SGCD: variants seen among roughly 807,000 people sequenced by gnomAD.
SGCD encodes delta-sarcoglycan.
A neutral mutation model predicts 36.6 loss-of-function variants in SGCD; 18 were observed. That is an observed-to-expected ratio of 0.49 (90% CI 0.34 to 0.73). The LOEUF (loss-of-function observed/expected upper bound fraction) is 0.73, where lower values mean the gene tolerates loss of function less well. SGCD is among the 30% of genes least tolerant of loss of function. The pLI is 0.01. For synonymous variants in SGCD, 133 were observed against 130.6 expected, an observed-to-expected ratio of 1.02 and a Z score of -0.12; for missense variants, 387 against 346.7, an observed-to-expected ratio of 1.12 and a Z score of -0.92.
chr5:156,031,203 C>A (rs1422402044), intron 1 of SGCD, among the ~76,000 whole-genome samples: 2 of 152,188 alleles, frequency 1.3e-5, no homozygotes, highest in African/African-American at 2.4e-5. Flanking sequence ...CTTGGAGTTT[C>A]TGATTCAGTT....
chr5:155,952,698 G>A (rs927717620), intron 1 of SGCD, among the ~76,000 whole-genome samples: 1 of 152,198 alleles, frequency 6.6e-6, no homozygotes, highest in Non-Finnish European at 1.5e-5. Context: ...AGCCCCTAAA[G>A]ATAGCTCTGC....
intron 3 of SGCD, among the ~76,000 whole-genome samples, chr5:156,223,461 G>A (rs950539573): frequency 1.3e-5 from 2 of 152,088 alleles, no homozygotes; most frequent in African/African-American, 2.4e-5. Context: ...GGAGAATAGC[G>A]GAAGTCCAAA....
At chr5:156,270,813 A>G (rs1375302678) in intron 3 of SGCD, among the ~76,000 whole-genome samples, 1 of 94,590 alleles carries the variant, frequency 1.1e-5, no homozygotes, top group East Asian at 2.3e-4. Context: ...TTAAGCCACA[A>G]TATACAGTGA....
chr5:156,515,563 C>G (rs539845591), intron 4 of SGCD, among the ~76,000 whole-genome samples: 23 of 152,266 alleles, frequency 1.5e-4, no homozygotes, highest in Admixed American at 1.1e-3. Context: ...ATGGGGAGTT[C>G]CCGCCCCCAG....
chr5:156,607,164 A>G (rs1761506528), intron 6 of SGCD, among the ~76,000 whole-genome samples: 1 of 152,144 alleles, frequency 6.6e-6, no homozygotes. Context: ...CCCATTCAGT[A>G]TGATATTGGC....
chr5:155,777,786 C>T, the SGCD span, among the ~76,000 whole-genome samples: 1 of 152,014 alleles, frequency 6.6e-6, no homozygotes, highest in Non-Finnish European at 1.5e-5. Context: ...GAGGTTGTTT[C>T]TGAGTTTTTT....
intron 2 of SGCD, among the ~76,000 whole-genome samples, chr5:156,122,843 TAAAAAAAAAAAAAAAAAAAAAAAAA>T (rs33983852): frequency 2.4e-4 from 13 of 54,162 alleles, no homozygotes; most frequent in Non-Finnish European, 2.6e-4. Flanking sequence ...AAAGATGTGG[TAAAAAAAAAAAAAAAAAAAAAAAAA>T]AAAAAAAAAA....
At position 156,114,340 on chromosome 5, in the gene SGCD, C is replaced by T. The variant is rs1021783274; in HGVS notation, c.-281-3538C>T. Among the ~76,000 whole-genome samples, 11 of 152,148 alleles carry T rather than the reference C, an allele frequency of 7.2e-5. 1 individual carries two copies. The South Asian group carries it at 1.7e-3, about 23-fold the overall frequency. On this transcript the variant is annotated intron_variant, in intron 1 of 9. Coordinates refer to the SGCD transcript ENST00000517913. Reference sequence around the variant, plus strand: ...ATAATAAGTAATCTATATATAAAGACGTAGCCCCCTCCTCTCCATCACAGG... The same window carrying T: ...ATAATAAGTAATCTATATATAAAGATGTAGCCCCCTCCTCTCCATCACAGG...
chr5:156,444,353 T>G (rs1328088953), intron 3 of SGCD, among the ~76,000 whole-genome samples: 1 of 152,032 alleles, frequency 6.6e-6, no homozygotes, highest in Non-Finnish European at 1.5e-5. Flanking sequence ...AAAAATAATA[T>G]TTCTATCCTT....
At chr5:156,230,419 T>C (rs1479514594) in intron 3 of SGCD, among the ~76,000 whole-genome samples, 2 of 152,194 alleles carry the variant, frequency 1.3e-5, no homozygotes, top group Non-Finnish European at 2.9e-5. Context: ...TGTGGCTTCC[T>C]GCGAGCTGAG....
chr5:155,846,942 T>G, the SGCD span, among the ~76,000 whole-genome samples: 2 of 152,218 alleles, frequency 1.3e-5, no homozygotes, highest in Non-Finnish European at 2.9e-5. Context: ...GAATTTTCAT[T>G]GTTCCCAATC....
intron 7 of SGCD, among the ~76,000 whole-genome samples, chr5:156,746,974 G>T (rs983592489): frequency 6.6e-6 from 1 of 152,000 alleles, no homozygotes; most frequent in Non-Finnish European, 1.5e-5. Context: ...ATATGAAAAA[G>T]AATTTTTACT....
the SGCD span, among the ~76,000 whole-genome samples, chr5:155,733,011 CTCG>C: frequency 1.1e-5 from 1 of 93,280 alleles, no homozygotes; most frequent in Non-Finnish European, 2.1e-5. Flanking sequence ...GTTTGTTATA[CTCG>C]TTTTTTTTTT....
At chr5:156,351,234 A>G (rs781355074) in intron 3 of SGCD, among the ~76,000 whole-genome samples, 1 of 152,176 alleles carries the variant, frequency 6.6e-6, no homozygotes, top group Non-Finnish European at 1.5e-5. Context: ...AGCATTTAGT[A>G]TAAACTTAAT....
At chr5:156,298,576 C>CTTTTTTTTTTTTTTT (rs924228753) in intron 3 of SGCD, among the ~76,000 whole-genome samples, 3 of 110,514 alleles carry the variant, frequency 2.7e-5, no homozygotes, top group African/African-American at 1.1e-4. Flanking sequence ...TTTTTCTTTT[C>CTTTTTTTTTTTTTTT]TTTTTTTTTT....
chr5:155,827,750 C>T, the SGCD span, among the ~76,000 whole-genome samples: 12 of 130,224 alleles, frequency 9.2e-5, no homozygotes, highest in Admixed American at 1.9e-4. Context: ...GTGATCTTGG[C>T]TTACCACAAC....
chr5:155,758,573 T>TTACC, the SGCD span, among the ~76,000 whole-genome samples: 1 of 152,168 alleles, frequency 6.6e-6, no homozygotes, highest in African/African-American at 2.4e-5. Flanking sequence ...CCAGCAAACA[T>TTACC]TACCACCTGA....
At chr5:156,136,908 T>A (rs1310589337) in intron 3 of SGCD, among the ~76,000 whole-genome samples, 1 of 152,034 alleles carries the variant, frequency 6.6e-6, no homozygotes, top group East Asian at 1.9e-4. Context: ...TAGAAAAAAA[T>A]ATAATTTTGT....
chr5:156,167,436 G>A (rs1763239596), intron 3 of SGCD, among the ~76,000 whole-genome samples: 1 of 152,140 alleles, frequency 6.6e-6, no homozygotes, highest in Non-Finnish European at 1.5e-5. Flanking sequence ...CATGGTAGAT[G>A]CTTGTTGCTT....
Sources: gnomAD v4.1 joint callset for allele counts (sites outside exome capture counted in the v4.1 genomes callset) on GRCh38, gnomAD v4.1.1 for gene constraint, MANE v1.5 for transcripts, NCBI Gene and HGNC (gene_info 2026-07-23, HGNC 2026-07-21) for gene names.